ZC3H4: variants seen among roughly 807,000 people sequenced by gnomAD.
ZC3H4 encodes zinc finger CCCH domain-containing protein 4.
ZC3H4 carries 13 observed loss-of-function variants against 108.3 expected under a neutral mutation model. The observed-to-expected ratio is 0.12, with a 90% CI of 0.08 to 0.19. The LOEUF (loss-of-function observed/expected upper bound fraction) is 0.19. ZC3H4 is among the 10% of genes least tolerant of loss of function. ZC3H4 has a pLI of 1.00. For synonymous variants in ZC3H4, 917 were observed against 749.6 expected, an observed-to-expected ratio of 1.22 and a Z score of -3.65; for missense variants, 1,734 against 1,838.8, an observed-to-expected ratio of 0.94 and a Z score of 1.04.
At chr19:47,098,701 T>C (rs553540898) in intron 2 of ZC3H4, among the ~76,000 whole-genome samples, 2 of 152,258 alleles carry the variant, frequency 1.3e-5, no homozygotes, top group East Asian at 1.9e-4. Context: ...GAGGCGGAGA[T>C]TGCAGTGAGC....
chr19:47,097,120 A>G (rs2057834676), intron 2 of ZC3H4: 2 of 486,958 alleles, frequency 4.1e-6, no homozygotes, highest in Non-Finnish European at 5.3e-6. Context: ...ACCAAGGTAG[A>G]GAAGTGCAGC....
At chr19:47,099,688 G>C (rs1211977442) in intron 2 of ZC3H4, among the ~76,000 whole-genome samples, 1 of 152,048 alleles carries the variant, frequency 6.6e-6, no homozygotes, top group Non-Finnish European at 1.5e-5. Flanking sequence ...CGTAGGGAGA[G>C]CTGAGCCCCG....
At chr19:47,106,896 T>C (rs1365810472) in intron 2 of ZC3H4, among the ~76,000 whole-genome samples, 1 of 152,184 alleles carries the variant, frequency 6.6e-6, no homozygotes, top group Admixed American at 6.5e-5. Context: ...ACCTTGTTCA[T>C]TCCCCTCTGG....
At position 47,065,865 on chromosome 19, in the gene ZC3H4, T is replaced by TGG; in HGVS notation, c.*490_*491insCC. 6.5e-6 allele frequency: 1 copy of TGG among 153,310 alleles called. No homozygotes were observed. The highest frequency in any genetic ancestry group is 1.5e-5 in the Non-Finnish European group (1 of 68,852). 9.5% of individuals were successfully genotyped at this position (153,310 alleles called of 1,614,324 possible). On this transcript the variant is annotated 3_prime_UTR_variant, in exon 15 of 15. Coordinates refer to ENST00000253048, the MANE Select transcript of ZC3H4 (RefSeq NM_015168.2). ...AAGACAGTGATGGTGCACCCTAGGGTTCTAGAAACGCCTGGACCTGCTTCC... is the reference window on the plus strand; with the variant it reads ...AAGACAGTGATGGTGCACCCTAGGGTGGTCTAGAAACGCCTGGACCTGCTTCC...
At position 47,085,250 on chromosome 19, in the gene ZC3H4, G is replaced by T. The variant is rs1309853866; in HGVS notation, c.968-55C>A. ...CTGACCACCCCCTCCCCCACCCCCA[G>T]GACTAGATTCCAGCAGCTGCTGGAA... On this transcript the variant is annotated intron_variant, in intron 7 of 14. Coordinates refer to ENST00000253048, the MANE Select transcript of ZC3H4 (RefSeq NM_015168.2). The T allele has an allele frequency of 3.2e-5, 21 of 659,430 alleles. No individual in the cohort carries two copies. In the East Asian group the frequency reaches 1.1e-3, roughly 34 times the overall value. The allele number at this position is 659,430 out of a possible 1,614,324, so 40.8% of individuals were successfully genotyped here.
At chr19:47,077,707 A>G (rs759422556) in intron 11 of ZC3H4, among the ~76,000 whole-genome samples, 1 of 151,642 alleles carries the variant, frequency 6.6e-6, no homozygotes, top group South Asian at 2.1e-4. Flanking sequence ...AACACAAAAA[A>G]TGAGCCGGGC....
At chr19:47,088,839 T>C (rs1300820412) in intron 5 of ZC3H4, among the ~76,000 whole-genome samples, 4 of 152,190 alleles carry the variant, frequency 2.6e-5, no homozygotes, top group Admixed American at 2.0e-4. Context: ...AATCTATTTC[T>C]ACTTGACAGC....
chr19:47,071,283 T>C (rs2057320956), intron 13 of ZC3H4, among the ~76,000 whole-genome samples: 1 of 152,156 alleles, frequency 6.6e-6, no homozygotes, highest in African/African-American at 2.4e-5. Context: ...CTCCTATGGC[T>C]GCAGCAGCGT....
rs188629436 is a variant in ZC3H4 at position 47,086,143 on chromosome 19, A to C, written c.870+241T>G. On this transcript the variant is annotated intron_variant, in intron 6 of 14. Transcript: ENST00000253048. ...CAGGCTCCCAAAGTACTGGGATTACAGGTGTGAGCCACCGCGCCCAGCCGA... is the reference window on the plus strand; with the variant it reads ...CAGGCTCCCAAAGTACTGGGATTACCGGTGTGAGCCACCGCGCCCAGCCGA... 4.8e-3 allele frequency among the ~76,000 whole-genome samples: 729 copies of C among 152,334 alleles called. 2 individuals carry two copies. The highest frequency in any genetic ancestry group is 5.2e-3 in the Non-Finnish European group (357 of 68,030).
chr19:47,077,665 G>C (rs1255842584), intron 11 of ZC3H4, among the ~76,000 whole-genome samples: 1 of 152,138 alleles, frequency 6.6e-6, no homozygotes, highest in African/African-American at 2.4e-5. Flanking sequence ...AGACCAGCCT[G>C]ACAAACGTGG....
chr19:47,107,205 G>T lies in ZC3H4; in HGVS notation c.161+5219C>A, dbSNP rs187892238. Among the ~76,000 whole-genome samples, 6 of 152,268 alleles carry T rather than the reference G, an allele frequency of 3.9e-5. No homozygotes were observed. In the East Asian group the frequency reaches 1.2e-3, roughly 29 times the overall value. Reference sequence around the variant, plus strand: ...CTGACCAGAACCCTAAGAGATGAAAGATAAATGCACTTCCTTCAAAAATAG... The same window carrying T: ...CTGACCAGAACCCTAAGAGATGAAATATAAATGCACTTCCTTCAAAAATAG... On this transcript the variant is annotated intron_variant, in intron 2 of 14. Transcript: ENST00000253048.
intron 2 of ZC3H4, among the ~76,000 whole-genome samples, chr19:47,111,357 G>T (rs756916031): frequency 6.6e-6 from 1 of 152,218 alleles, no homozygotes; most frequent in Admixed American, 6.5e-5. Context: ...GGGCGTGGGG[G>T]GCCCGCGTTT....
intron 6 of ZC3H4, 95 bp downstream of exon 6, chr19:47,086,285 TCTTC>T: frequency 1.4e-6 from 2 of 1,415,268 alleles, no homozygotes; most frequent in South Asian, 2.5e-5. Flanking sequence ...GGGCCGTATG[TCTTC>T]CTACCTTGGC....
chr19:47,102,361 A>G (rs1286060637), intron 2 of ZC3H4, among the ~76,000 whole-genome samples: 1 of 152,278 alleles, frequency 6.6e-6, no homozygotes, highest in Non-Finnish European at 1.5e-5. Context: ...AACTGACAAA[A>G]CAACGCCCAC....
intron 2 of ZC3H4, 62 bp downstream of exon 2, chr19:47,112,362 C>G: frequency 8.2e-7 from 1 of 1,224,752 alleles, no homozygotes; most frequent in Non-Finnish European, 1.0e-6. Flanking sequence ...CGGCCGCCCC[C>G]CTTCCTCCTC....
At chr19:47,082,985 G>A (rs1374364972) in intron 9 of ZC3H4, among the ~76,000 whole-genome samples, 1 of 152,144 alleles carries the variant, frequency 6.6e-6, no homozygotes, top group Non-Finnish European at 1.5e-5. Flanking sequence ...CACCATAACC[G>A]TGAACTGAAG....
At chr19:47,104,335 A>T (rs1208630885) in intron 2 of ZC3H4, among the ~76,000 whole-genome samples, 1 of 152,102 alleles carries the variant, frequency 6.6e-6, no homozygotes, top group East Asian at 1.9e-4. Context: ...TAATAATAAT[A>T]ATTTCTTAAA....
chr19:47,099,073 T>G (rs1427000708), intron 2 of ZC3H4, among the ~76,000 whole-genome samples: 8 of 152,180 alleles, frequency 5.3e-5, no homozygotes, highest in Admixed American at 5.2e-4. Context: ...GAAGCAGCTG[T>G]TGGTTTTAAA....
At chr19:47,092,413 C>G (rs1403787083) in intron 4 of ZC3H4, among the ~76,000 whole-genome samples, 1 of 152,204 alleles carries the variant, frequency 6.6e-6, no homozygotes, top group Non-Finnish European at 1.5e-5. Flanking sequence ...CAAACCTACA[C>G]CAGTAGATCA....
Sources: gnomAD v4.1 joint callset for allele counts (sites outside exome capture counted in the v4.1 genomes callset) on GRCh38, gnomAD v4.1.1 for gene constraint, MANE v1.5 for transcripts, NCBI Gene and HGNC (gene_info 2026-07-23, HGNC 2026-07-21) for gene names.